The following TMEFF2 variants were observed in gnomAD, a reference collection of about 807,000 sequenced individuals.
TMEFF2 encodes the protein transmembrane protein with EGF like and two follistatin like domains 2.
TMEFF2 carries 28 observed loss-of-function variants against 53.8 expected under a neutral mutation model. That is an observed-to-expected ratio of 0.52 (90% CI 0.39 to 0.71). The LOEUF (loss-of-function observed/expected upper bound fraction) is 0.71, where lower values mean the gene tolerates loss of function less well. Among genes scored for constraint, TMEFF2 ranks in the 30% least tolerant of loss-of-function variants. TMEFF2 has a pLI of 0.00. For missense variants in TMEFF2, 353 were observed against 455.2 expected (o/e 0.78, Z 2.04); for synonymous variants, 162 against 166.3 (o/e 0.97, Z 0.20).
intron 5 of TMEFF2, among the ~76,000 whole-genome samples, chr2:192,054,278 C>A (rs1369131988): frequency 6.6e-6 from 1 of 151,998 alleles, no homozygotes; most frequent in East Asian, 1.9e-4. Context: ...GGCTATGCTT[C>A]TCCCAGCAAC....
intron 7 of TMEFF2, among the ~76,000 whole-genome samples, chr2:191,980,187 A>G (rs1039500711): frequency 6.6e-6 from 1 of 152,232 alleles, no homozygotes. Flanking sequence ...AGGTAAAAGC[A>G]TAAATACATA....
chr2:192,044,817 TAG>T (rs1687575284), intron 5 of TMEFF2, among the ~76,000 whole-genome samples: 1 of 152,194 alleles, frequency 6.6e-6, no homozygotes, highest in Non-Finnish European at 1.5e-5. Flanking sequence ...TGGGCCTTAG[TAG>T]AGACTTAATA....
chr2:191,969,192 C>T (rs1185838328), intron 7 of TMEFF2, among the ~76,000 whole-genome samples: 5 of 149,918 alleles, frequency 3.3e-5, no homozygotes, highest in Admixed American at 1.3e-4. Context: ...ACGTTTAGGA[C>T]AGAGACTGAC....
chr2:191,999,060 C>G lies in TMEFF2; in HGVS notation c.685G>C (p.Asp229His). Residue 229 changes from aspartate (D) to histidine (H), a missense_variant and splice_region_variant, in exon 6 of 10, where the codon GAT (aspartate) becomes CAT (histidine). Physicochemically the swap from Asp to His is moderately conservative, Grantham distance 81 (BLOSUM62 -1). Coordinates refer to ENST00000272771, the MANE Select transcript of TMEFF2 (RefSeq NM_016192.4). ...AAATGAATTTTGGTATGAACATTAC[C>G]TTGACATCGACCCAAAGACATGACT... ...IEVMSLGRCQ[D>H]NTTTTTKSED... 1 of 1,606,568 alleles carries G rather than the reference C, an allele frequency of 6.2e-7. No individual in the cohort carries two copies. The highest frequency in any genetic ancestry group is 8.5e-7 in the Non-Finnish European group (1 of 1,175,560).
chr2:192,164,564 C>T (rs1403585807), intron 4 of TMEFF2, among the ~76,000 whole-genome samples: 2 of 152,028 alleles, frequency 1.3e-5, no homozygotes, highest in African/African-American at 2.4e-5. Flanking sequence ...CCCGTCTCTA[C>T]TAAAAATACA....
intron 7 of TMEFF2, among the ~76,000 whole-genome samples, chr2:191,973,890 C>G (rs138011585): frequency 6.4e-4 from 98 of 152,266 alleles, no homozygotes; most frequent in African/African-American, 2.2e-3. Context: ...CTTGCTGTCA[C>G]CATGTGAAGA....
intron 1 of TMEFF2, among the ~76,000 whole-genome samples, chr2:192,193,711 T>C (rs1691517054): frequency 6.6e-6 from 1 of 151,192 alleles, no homozygotes; most frequent in South Asian, 2.1e-4. Context: ...AACCAATGTC[T>C]TTTGCCGCCT....
intron 5 of TMEFF2, among the ~76,000 whole-genome samples, chr2:192,020,894 T>C (rs1340902332): frequency 1.3e-5 from 2 of 152,184 alleles, no homozygotes; most frequent in African/African-American, 4.8e-5. Flanking sequence ...CAACAGCATA[T>C]TGAATTGTAT....
At chr2:192,114,639 C>T (rs959114391) in intron 4 of TMEFF2, among the ~76,000 whole-genome samples, 1 of 151,798 alleles carries the variant, frequency 6.6e-6, no homozygotes, top group African/African-American at 2.4e-5. Context: ...TGAGTTTCTA[C>T]ACTCTAATGA....
chr2:191,965,670 A>AC (rs1692449258), intron 7 of TMEFF2, among the ~76,000 whole-genome samples: 1 of 151,906 alleles, frequency 6.6e-6, no homozygotes, highest in Non-Finnish European at 1.5e-5. Context: ...GCATCTTCTT[A>AC]CATTCATCAT....
chr2:192,158,842 G>A (rs76156372), intron 4 of TMEFF2, among the ~76,000 whole-genome samples: 238 of 152,152 alleles, frequency 1.6e-3, no homozygotes, highest in African/African-American at 5.6e-3. Flanking sequence ...AGAGCAAATC[G>A]GAAAATGATA....
intron 2 of TMEFF2, 38 bp from the exon 3 acceptor site, chr2:192,184,521 G>A: frequency 1.2e-6 from 2 of 1,609,706 alleles, no homozygotes; most frequent in South Asian, 1.1e-5. Flanking sequence ...AGTTAGTACT[G>A]GAGATTGTAT....
At chr2:192,147,545 T>C (rs1413220577) in intron 4 of TMEFF2, among the ~76,000 whole-genome samples, 4 of 152,026 alleles carry the variant, frequency 2.6e-5, no homozygotes, top group Admixed American at 1.3e-4. Context: ...GTGTTCTCAT[T>C]GTTCAATTCC....
intron 5 of TMEFF2, among the ~76,000 whole-genome samples, chr2:192,056,426 G>A (rs1318465145): frequency 6.6e-6 from 1 of 151,906 alleles, no homozygotes; most frequent in African/African-American, 2.4e-5. Flanking sequence ...GAGGGGAGGA[G>A]CAGAAGAGAG....
intron 7 of TMEFF2, among the ~76,000 whole-genome samples, chr2:191,996,606 T>G (rs1686227873): frequency 1.3e-5 from 2 of 151,970 alleles, no homozygotes; most frequent in South Asian, 4.1e-4. Context: ...TATCACAATG[T>G]ACATTCTTGG....
chr2:192,162,515 T>C (rs59409093), intron 4 of TMEFF2, among the ~76,000 whole-genome samples: 2 of 152,168 alleles, frequency 1.3e-5, no homozygotes, highest in Admixed American at 6.5e-5. Flanking sequence ...TTCCAACTCA[T>C]AATCTTTGTT....
intron 5 of TMEFF2, among the ~76,000 whole-genome samples, chr2:192,011,496 T>C (rs1686624985): frequency 6.6e-6 from 1 of 152,362 alleles, no homozygotes; most frequent in African/African-American, 2.4e-5. Flanking sequence ...AGCCTGAGTG[T>C]ACAAAATGGT....
chr2:192,019,333 G>T (rs1686811075), intron 5 of TMEFF2, among the ~76,000 whole-genome samples: 1 of 151,792 alleles, frequency 6.6e-6, no homozygotes. Context: ...TTTTTAGTTA[G>T]ATAAGTTATA....
At chr2:192,106,301 A>T (rs1689143225) in intron 4 of TMEFF2, among the ~76,000 whole-genome samples, 1 of 151,792 alleles carries the variant, frequency 6.6e-6, no homozygotes, top group South Asian at 2.1e-4. Context: ...AGAAAAATAC[A>T]TAAACTATGT....
Sources: allele counts gnomAD v4.1 joint callset (sites outside exome capture counted in the v4.1 genomes callset), GRCh38; gene constraint gnomAD v4.1.1; transcripts MANE v1.5; gene names NCBI Gene and HGNC (gene_info 2026-07-23, HGNC 2026-07-21).